The following DCAF1 variants were observed in gnomAD, a reference collection of about 807,000 sequenced individuals.
DCAF1 encodes the protein DDB1 and CUL4 associated factor 1.
Under a neutral mutation model 128.0 loss-of-function variants are expected in DCAF1, and 15 were observed. The ratio of observed to expected loss-of-function variants is 0.12; its 90% CI spans 0.08 to 0.18. The LOEUF (loss-of-function observed/expected upper bound fraction) is 0.18. Ranked by LOEUF, DCAF1 falls within the 10% of genes least tolerant of loss-of-function variation. DCAF1 has a pLI of 1.00. For synonymous variants in DCAF1, 610 were observed against 603.0 expected, an observed-to-expected ratio of 1.01 and a Z score of -0.17; for missense variants, 988 against 1,649.5, an observed-to-expected ratio of 0.60 and a Z score of 6.95.
chr3:51,415,814 C>T (rs1285346748), intron 18 of DCAF1, among the ~76,000 whole-genome samples: 3 of 151,876 alleles, frequency 2.0e-5, no homozygotes, highest in Admixed American at 6.6e-5. Context: ...AGGCTGGTCT[C>T]GAACTCCTGG....
chr3:51,498,989 C>A (rs562272539), intron 1 of DCAF1, among the ~76,000 whole-genome samples: 1 of 152,004 alleles, frequency 6.6e-6, no homozygotes, highest in South Asian at 2.1e-4. Flanking sequence ...AAGGCTTCAT[C>A]AAAAAAACAG....
At position 51,430,064 on chromosome 3, in the gene DCAF1, C is replaced by T. The variant is rs1192954362; in HGVS notation, c.1436G>A (p.Arg479His). The change falls in exon 11 of 25, where the codon CGC becomes CAC. Residue 479 changes from arginine to histidine, a missense_variant. By Grantham distance (29) the Arg-to-His change is conservative. This residue lies in a region of DCAF1 where 185 missense variants were observed against 248.1 expected (regional missense o/e 0.75). Transcript: ENST00000684031. ...SFRAVLELFD[R>H]YDGLRRLVNL... is the part of the protein sequence containing the mutation. ...CACCAGACGACGAAGACCATCATAG[C>T]GGTCAAAGAGCTCCAAGACGGCCCG... 10 of 780,574 alleles carry T rather than the reference C, an allele frequency of 1.3e-5. No homozygotes were observed. Among genetic ancestry groups the T allele is most frequent in the East Asian group, 2.4e-5 (1 of 41,248 alleles). The allele number at this position is 780,574 out of a possible 1,614,324, so 48.4% of individuals were successfully genotyped here.
chr3:51,411,835 T>C (rs146803741), intron 23 of DCAF1, among the ~76,000 whole-genome samples: 1 of 151,690 alleles, frequency 6.6e-6, no homozygotes, highest in African/African-American at 2.4e-5. Flanking sequence ...CCAGGATGAG[T>C]GCGGTGGCTC....
In DCAF1 at chr3:51,440,178, A is replaced by G. The variant is rs782358086; in HGVS notation, c.1128+792T>C. 2.0e-5 allele frequency: 10 copies of G among 509,594 alleles called. 1 individual carries two copies. Among genetic ancestry groups the G allele is most frequent in the South Asian group, 1.4e-4 (10 of 69,562 alleles). 31.6% of individuals were successfully genotyped at this position (509,594 alleles called of 1,614,324 possible). A position where few individuals can be genotyped will look rare whatever the true frequency, so the allele number is the denominator to read the frequency against. On this transcript the variant is annotated intron_variant, in intron 9 of 24. Coordinates refer to ENST00000684031, the MANE Select transcript of DCAF1 (RefSeq NM_001387579.1). ...GATTAACACCTAAGTTTCTGTAGAG[A>G]TAGTAAGCCTCCTCTCTTCTATCTA...
At chr3:51,438,048 A>G (rs375898025) in intron 9 of DCAF1, 6 of 415,024 alleles carry the variant, frequency 1.4e-5, no homozygotes, top group African/African-American at 1.2e-4. Context: ...TCATCTTAAA[A>G]TTTTACTTAT....
chr3:51,479,898 T>G (rs1705952559), intron 3 of DCAF1, among the ~76,000 whole-genome samples: 2 of 151,848 alleles, frequency 1.3e-5, no homozygotes, highest in African/African-American at 4.8e-5. Flanking sequence ...AACAAAGTGG[T>G]GGCCAGTATG....
intron 23 of DCAF1, among the ~76,000 whole-genome samples, chr3:51,404,389 CA>C (rs1352353848): frequency 1.3e-5 from 2 of 152,248 alleles, no homozygotes; most frequent in Non-Finnish European, 1.5e-5. Flanking sequence ...AACGTAAGCA[CA>C]AAAAAATTTT....
At chr3:51,446,530 C>T (rs1003062260) in intron 6 of DCAF1, among the ~76,000 whole-genome samples, 1 of 152,030 alleles carries the variant, frequency 6.6e-6, no homozygotes, top group African/African-American at 2.4e-5. Flanking sequence ...ACTTGGGAGG[C>T]TGAGGCAGGA....
At chr3:51,473,422 AGTC>A (rs1293661054) in intron 3 of DCAF1, among the ~76,000 whole-genome samples, 1 of 124,854 alleles carries the variant, frequency 8.0e-6, no homozygotes, top group Admixed American at 9.5e-5. Context: ...TATACTTTCT[AGTC>A]TTTTTTTTTT....
intron 7 of DCAF1, 68 bp downstream of exon 7, chr3:51,443,698 T>G: frequency 7.2e-7 from 1 of 1,395,614 alleles, no homozygotes; most frequent in Non-Finnish European, 9.5e-7. Flanking sequence ...CTTATTCAGA[T>G]TCAAGTAACA....
At position 51,451,069 on chromosome 3, in the gene DCAF1, C is replaced by CTTTTTTTTTTTTTTTT. The variant is rs1167474829; in HGVS notation, c.376-7182_376-7167dup. ...CAATGAACAATATAAAAAGGAAATT[C>CTTTTTTTTTTTTTTTT]TTTTTTTTTTTTTTTTTTTTTTTTT... On this transcript the variant is annotated intron_variant, in intron 6 of 24. Coordinates refer to ENST00000684031, the MANE Select transcript of DCAF1 (RefSeq NM_001387579.1). Among the ~76,000 whole-genome samples the CTTTTTTTTTTTTTTTT allele has an allele frequency of 7.7e-4, 21 of 27,110 alleles. 9 individuals are homozygous for CTTTTTTTTTTTTTTTT. The highest frequency in any genetic ancestry group is 9.0e-4 in the African/African-American group (7 of 7,740). The allele number at this position is 27,110 out of a possible 152,430, so 17.8% of individuals were successfully genotyped here.
chr3:51,440,088 A>G, intron 9 of DCAF1: 1 of 478,020 alleles, frequency 2.1e-6, no homozygotes, highest in South Asian at 1.6e-5. Flanking sequence ...TTCCTCTCCT[A>G]TTCAGCAACA....
At chr3:51,444,179 A>G (rs1449788381) in intron 6 of DCAF1, among the ~76,000 whole-genome samples, 1 of 152,112 alleles carries the variant, frequency 6.6e-6, no homozygotes, top group Non-Finnish European at 1.5e-5. Context: ...CTAAAAATTA[A>G]CAATCCCCAG....
intron 9 of DCAF1, among the ~76,000 whole-genome samples, chr3:51,433,937 C>T (rs1700597003): frequency 6.6e-6 from 1 of 151,532 alleles, no homozygotes; most frequent in African/African-American, 2.4e-5. Flanking sequence ...AAAAAATTTG[C>T]CAGACGTGGT....
chr3:51,501,448 C>G (rs1034086915), upstream of DCAF1, among the ~76,000 whole-genome samples: 4 of 152,142 alleles, frequency 2.6e-5, no homozygotes, highest in Non-Finnish European at 5.9e-5. Flanking sequence ...GCGTTCAAGG[C>G]CTTATGCAGC....
chr3:51,421,873 TTTG>T (rs78051967), intron 14 of DCAF1, among the ~76,000 whole-genome samples: 138,203 of 149,714 alleles, frequency 0.92, 63,686 homozygotes, highest in Middle Eastern at 0.99. Flanking sequence ...AACTGCTTAC[TTTG>T]TTGTTTTTTT....
chr3:51,497,196 G>A (rs924479997), intron 1 of DCAF1, among the ~76,000 whole-genome samples: 1 of 152,294 alleles, frequency 6.6e-6, no homozygotes, highest in Non-Finnish European at 1.5e-5. Context: ...TCCAGAGGCT[G>A]AGGCATGAGA....
intron 2 of DCAF1, among the ~76,000 whole-genome samples, chr3:51,488,959 C>G (rs1553656704): frequency 6.6e-6 from 1 of 152,114 alleles, no homozygotes; most frequent in Non-Finnish European, 1.5e-5. Flanking sequence ...GGCGAGACTC[C>G]GTCTCGGGTG....
intron 2 of DCAF1, among the ~76,000 whole-genome samples, chr3:51,487,331 A>G (rs1707093279): frequency 6.6e-6 from 1 of 152,228 alleles, no homozygotes; most frequent in East Asian, 1.9e-4. Context: ...GATAGTACAC[A>G]GTGTTCCCAC....
Sources: gnomAD v4.1 joint callset for allele counts (sites outside exome capture counted in the v4.1 genomes callset) on GRCh38, gnomAD v4.1.1 for gene constraint, gnomAD v4.1.1 regional missense constraint, MANE v1.5 for transcripts, NCBI Gene and HGNC (gene_info 2026-07-23, HGNC 2026-07-21) for gene names.